The following CDH12 variants were observed in gnomAD, a reference collection of about 807,000 sequenced individuals.
CDH12 encodes the protein cadherin-12.
Under a neutral mutation model 74.1 loss-of-function variants are expected in CDH12, and 41 were observed. That is an observed-to-expected ratio of 0.55 (90% CI 0.43 to 0.72). The LOEUF is 0.72. Among genes scored for constraint, CDH12 ranks in the 30% least tolerant of loss-of-function variants. The pLI is 0.00. For synonymous variants in CDH12, 399 were observed against 355.0 expected, an observed-to-expected ratio of 1.12 and a Z score of -1.39; for missense variants, 945 against 977.2, an observed-to-expected ratio of 0.97 and a Z score of 0.44.
At chr5:22,308,398 A>G (rs1738220695) in intron 3 of CDH12, among the ~76,000 whole-genome samples, 1 of 152,166 alleles carries the variant, frequency 6.6e-6, no homozygotes, top group Non-Finnish European at 1.5e-5. Context: ...TAACAGAAGG[A>G]TGGCTCAATT....
intron 1 of CDH12, among the ~76,000 whole-genome samples, chr5:22,700,839 C>A (rs1742676508): frequency 1.3e-5 from 2 of 152,070 alleles, no homozygotes; most frequent in African/African-American, 4.8e-5. Context: ...AACTTTGAGC[C>A]AATTTAAAGT....
chr5:21,818,546 G>T (rs1000965763), intron 8 of CDH12, among the ~76,000 whole-genome samples: 3 of 151,708 alleles, frequency 2.0e-5, no homozygotes, highest in African/African-American at 7.3e-5. Flanking sequence ...CCCAGAAAAT[G>T]GTATCTACCA....
Position 22,289,615 on chromosome 5 carries a change from G to A in CDH12, c.-332-76972C>T, listed in dbSNP as rs75149714. Among the ~76,000 whole-genome samples, 509 of 152,220 alleles carry A rather than the reference G, an allele frequency of 3.3e-3. 1 individual carries two copies. The highest frequency in any genetic ancestry group is 0.012 in the African/African-American group (482 of 41,522). ...TTCCAAAGAGATAAGAAATCCAAGTGGGAGATCACAGTACCTGGTTGTAGC... is the reference window on the plus strand; with the variant it reads ...TTCCAAAGAGATAAGAAATCCAAGTAGGAGATCACAGTACCTGGTTGTAGC... On this transcript the variant is annotated intron_variant, in intron 3 of 14. Coordinates refer to ENST00000382254, the MANE Select transcript of CDH12 (RefSeq NM_004061.5).
intron 3 of CDH12, among the ~76,000 whole-genome samples, chr5:22,397,524 G>A (rs560514981): frequency 5.6e-4 from 84 of 149,676 alleles, no homozygotes; most frequent in African/African-American, 2.0e-3. Context: ...TTGGCTTAAT[G>A]GAAGTTGTCC....
intron 4 of CDH12, among the ~76,000 whole-genome samples, chr5:22,180,157 C>T (rs1246897990): frequency 6.6e-6 from 1 of 152,166 alleles, no homozygotes; most frequent in East Asian, 1.9e-4. Flanking sequence ...ATCATGAATG[C>T]CACAGGAAAT....
intron 6 of CDH12, among the ~76,000 whole-genome samples, chr5:21,885,513 T>C (rs1752580724): frequency 6.6e-6 from 1 of 152,188 alleles, no homozygotes; most frequent in South Asian, 2.1e-4. Flanking sequence ...AAGCTCACCA[T>C]ATACGGTCAA....
chr5:22,076,183 T>C (rs944498384), intron 5 of CDH12, among the ~76,000 whole-genome samples: 7 of 152,124 alleles, frequency 4.6e-5, no homozygotes, highest in Admixed American at 2.6e-4. Flanking sequence ...TGGTTAAATG[T>C]AATAATAGGT....
At chr5:22,433,258 C>T (rs1209519357) in intron 2 of CDH12, among the ~76,000 whole-genome samples, 2 of 152,170 alleles carry the variant, frequency 1.3e-5, no homozygotes, top group East Asian at 3.9e-4. Context: ...GTATACTATT[C>T]CCAATGAAGA....
intron 6 of CDH12, among the ~76,000 whole-genome samples, chr5:21,951,181 T>C (rs1236757509): frequency 6.6e-6 from 1 of 152,292 alleles, no homozygotes; most frequent in Non-Finnish European, 1.5e-5. Flanking sequence ...TTGTTTTCAA[T>C]ACGATTAAGC....
At chr5:22,476,368 A>C (rs1561433271) in intron 2 of CDH12, among the ~76,000 whole-genome samples, 1 of 152,144 alleles carries the variant, frequency 6.6e-6, no homozygotes, top group Non-Finnish European at 1.5e-5. Context: ...CACATCATTC[A>C]TATTAAATAG....
At chr5:22,465,652 A>T (rs1278095685) in intron 2 of CDH12, among the ~76,000 whole-genome samples, 1 of 152,104 alleles carries the variant, frequency 6.6e-6, no homozygotes, top group Non-Finnish European at 1.5e-5. Flanking sequence ...TCTCAAAAAC[A>T]AACAAACAAA....
chr5:22,769,287 G>A (rs1746686648), intron 1 of CDH12, among the ~76,000 whole-genome samples: 1 of 152,256 alleles, frequency 6.6e-6, no homozygotes, highest in East Asian at 1.9e-4. Flanking sequence ...AACAAAGCAG[G>A]TAGAAGAAGA....
chr5:22,771,552 A>C (rs1347319096), intron 1 of CDH12, among the ~76,000 whole-genome samples: 1 of 152,138 alleles, frequency 6.6e-6, no homozygotes, highest in South Asian at 2.1e-4. Context: ...ATAACTGAAA[A>C]AAATATTTTT....
At position 21,941,933 on chromosome 5, in the gene CDH12, T is replaced by G. The variant is rs1755349185; in HGVS notation, c.526+33158A>C. ...ATAATGGCTTACTAAAATGTCGACG[T>G]CCTAATTTCTGGAACCTGTGAAAAT... On this transcript the variant is annotated intron_variant, in intron 6 of 14. Transcript: ENST00000382254. Among the ~76,000 whole-genome samples the G allele has an allele frequency of 2.6e-5, 4 of 151,994 alleles. No homozygotes were observed. In the South Asian group the frequency reaches 8.3e-4, roughly 32 times the overall value.
intron 1 of CDH12, among the ~76,000 whole-genome samples, chr5:22,736,172 A>G (rs1744709441): frequency 6.6e-6 from 1 of 151,962 alleles, no homozygotes; most frequent in East Asian, 1.9e-4. Context: ...GAATAAAAAC[A>G]TTTGTTATTT....
At chr5:22,690,584 A>G (rs1742031801) in intron 1 of CDH12, among the ~76,000 whole-genome samples, 1 of 152,152 alleles carries the variant, frequency 6.6e-6, no homozygotes, top group African/African-American at 2.4e-5. Flanking sequence ...GGAGGATATA[A>G]CATAAGGAAC....
At chr5:22,049,989 C>T (rs2150193025) in intron 5 of CDH12, among the ~76,000 whole-genome samples, 1 of 152,212 alleles carries the variant, frequency 6.6e-6, no homozygotes, top group South Asian at 2.1e-4. Flanking sequence ...AAAGACCAAG[C>T]TCCTTTCCAT....
At chr5:21,922,333 G>C (rs976343109) in intron 6 of CDH12, among the ~76,000 whole-genome samples, 3 of 152,074 alleles carry the variant, frequency 2.0e-5, no homozygotes, top group Non-Finnish European at 4.4e-5. Context: ...AGGACTGTTA[G>C]GAAAAAATGA....
chr5:21,877,316 T>C (rs1300121482), intron 6 of CDH12, among the ~76,000 whole-genome samples: 3 of 152,192 alleles, frequency 2.0e-5, no homozygotes, highest in Non-Finnish European at 4.4e-5. Context: ...CGTTTCCATA[T>C]GCTCAGAGTG....
Sources: allele counts gnomAD v4.1 joint callset (sites outside exome capture counted in the v4.1 genomes callset), GRCh38; gene constraint gnomAD v4.1.1; transcripts MANE v1.5; gene names NCBI Gene and HGNC (gene_info 2026-07-23, HGNC 2026-07-21).